The following CLSTN2 variants were observed in gnomAD, a reference collection of about 807,000 sequenced individuals.
CLSTN2 encodes the protein calsyntenin-2.
In CLSTN2, 48 loss-of-function variants were observed where a neutral mutation model predicts 101.2. The observed-to-expected ratio is 0.47, with a 90% CI of 0.38 to 0.60. The LOEUF is 0.60. Among genes scored for constraint, CLSTN2 ranks in the 20% least tolerant of loss-of-function variants. The pLI is 0.00. For missense variants in CLSTN2, 1,160 were observed against 1,238.2 expected (o/e 0.94, Z 0.95); for synonymous variants, 481 against 463.6 (o/e 1.04, Z -0.48).
At chr3:139,947,681 C>G (rs1935234753) in intron 1 of CLSTN2, among the ~76,000 whole-genome samples, 1 of 152,208 alleles carries the variant, frequency 6.6e-6, no homozygotes, top group African/African-American at 2.4e-5. Flanking sequence ...GTTGTTTTTT[C>G]TCCCAAAGGA....
chr3:140,388,530 T>C (rs572898255), intron 2 of CLSTN2, among the ~76,000 whole-genome samples: 20 of 152,346 alleles, frequency 1.3e-4, no homozygotes, highest in African/African-American at 4.8e-4. Flanking sequence ...ATTCCTATAA[T>C]GGTAATTATT....
chr3:140,351,494 T>C (rs1223240204), intron 2 of CLSTN2, among the ~76,000 whole-genome samples: 2 of 152,200 alleles, frequency 1.3e-5, no homozygotes, highest in Non-Finnish European at 2.9e-5. Context: ...TAGTAAATAG[T>C]ATATCAAACA....
At position 140,566,599 on chromosome 3, in the gene CLSTN2, A is replaced by G; in HGVS notation, c.*346A>G. On this transcript the variant is annotated 3_prime_UTR_variant, in exon 17 of 17. Transcript: ENST00000458420. ...CCACCTTTGTGTCACTCACCTCCCC[A>G]GGCTCAGAGTCCCCAAGGCCCTGGG... 3.2e-6 allele frequency: 1 copy of G among 316,462 alleles called. No homozygotes were observed. Among genetic ancestry groups the G allele is most frequent in the Non-Finnish European group, 6.1e-6 (1 of 163,782 alleles). 19.6% of individuals were successfully genotyped at this position (316,462 alleles called of 1,614,324 possible).
At chr3:140,263,033 C>T (rs181561352) in intron 2 of CLSTN2, among the ~76,000 whole-genome samples, 14 of 151,802 alleles carry the variant, frequency 9.2e-5, no homozygotes, top group East Asian at 1.9e-4. Flanking sequence ...GGTACTTGAC[C>T]GTTCCCCACA....
chr3:140,221,108 G>A (rs2086268193), intron 2 of CLSTN2, among the ~76,000 whole-genome samples: 1 of 152,172 alleles, frequency 6.6e-6, no homozygotes, highest in Non-Finnish European at 1.5e-5. Flanking sequence ...TCAGCCAGGA[G>A]CAAAGCTCAG....
chr3:140,087,722 T>TC (rs1481610475), intron 1 of CLSTN2, among the ~76,000 whole-genome samples: 3 of 152,210 alleles, frequency 2.0e-5, no homozygotes. Context: ...TCTATGGGGC[T>TC]CCCAAAATGG....
chr3:140,378,689 C>T (rs970694674), intron 2 of CLSTN2, among the ~76,000 whole-genome samples: 3 of 152,188 alleles, frequency 2.0e-5, no homozygotes, highest in Admixed American at 1.3e-4. Flanking sequence ...GATCCTTGTA[C>T]TCAGAAAGAG....
chr3:139,999,712 A>C (rs774284611), intron 1 of CLSTN2, among the ~76,000 whole-genome samples: 11 of 152,172 alleles, frequency 7.2e-5, no homozygotes, highest in Non-Finnish European at 1.5e-4. Context: ...TTGGTCTGAC[A>C]TATCTGTTAT....
intron 2 of CLSTN2, among the ~76,000 whole-genome samples, chr3:140,274,461 G>T (rs1299344421): frequency 6.6e-6 from 1 of 152,146 alleles, no homozygotes; most frequent in Non-Finnish European, 1.5e-5. Context: ...ATTTTGTAAA[G>T]TTGCCAACCA....
intron 2 of CLSTN2, among the ~76,000 whole-genome samples, chr3:140,208,746 T>C (rs1338707629): frequency 6.6e-6 from 1 of 152,218 alleles, no homozygotes; most frequent in African/African-American, 2.4e-5. Flanking sequence ...TTTTAGTTCA[T>C]TCTCTGGGTT....
intron 1 of CLSTN2, among the ~76,000 whole-genome samples, chr3:140,051,998 T>C (rs2008005802): frequency 1.3e-5 from 2 of 152,186 alleles, no homozygotes; most frequent in Admixed American, 6.5e-5. Flanking sequence ...TTGAGAAGCA[T>C]GGCCTTAGTG....
At chr3:140,118,022 C>G (rs942001620) in intron 1 of CLSTN2, among the ~76,000 whole-genome samples, 2 of 152,158 alleles carry the variant, frequency 1.3e-5, no homozygotes, top group Non-Finnish European at 2.9e-5. Flanking sequence ...TATTTTGAGA[C>G]AGCACCTTTG....
intron 2 of CLSTN2, among the ~76,000 whole-genome samples, chr3:140,355,376 A>G (rs75266625): frequency 0.018 from 2,796 of 152,296 alleles, 80 homozygotes; most frequent in African/African-American, 0.064. Flanking sequence ...GGGAATATTA[A>G]TATCAATTTC....
intron 10 of CLSTN2, among the ~76,000 whole-genome samples, chr3:140,552,918 T>C (rs112263758): frequency 0.014 from 2,159 of 152,300 alleles, 29 homozygotes; most frequent in Middle Eastern, 0.024. Context: ...TAGATGGTAT[T>C]TGTAGAACAA....
chr3:140,278,848 T>G (rs540606730), intron 2 of CLSTN2, among the ~76,000 whole-genome samples: 136 of 152,218 alleles, frequency 8.9e-4, no homozygotes, highest in African/African-American at 3.2e-3. Flanking sequence ...TCCTTCTGAG[T>G]AGCTGAGACT....
chr3:140,236,190 AT>A (rs923706061), intron 2 of CLSTN2, among the ~76,000 whole-genome samples: 30 of 152,282 alleles, frequency 2.0e-4, no homozygotes, highest in Admixed American at 1.6e-3. Flanking sequence ...CTAAATATCA[AT>A]TTTTTGTGCC....
At chr3:140,312,069 G>A (rs1406979091) in intron 2 of CLSTN2, among the ~76,000 whole-genome samples, 1 of 152,160 alleles carries the variant, frequency 6.6e-6, no homozygotes, top group African/African-American at 2.4e-5. Flanking sequence ...TTTCTCCCAT[G>A]CAGTATAGGG....
rs1023402094 is a variant in CLSTN2 at position 139,978,819 on chromosome 3, G to A, written c.109+43336G>A. Among the ~76,000 whole-genome samples, 8 of 152,142 alleles carry A rather than the reference G, an allele frequency of 5.3e-5. No individual in the cohort carries two copies. In the East Asian group the frequency reaches 1.2e-3, roughly 22 times the overall value. ...CAATATAAGCATGTTGTTTAGTGATGTGGAGGCAAATAATGAAAGAGTTGG... is the reference window on the plus strand; with the variant it reads ...CAATATAAGCATGTTGTTTAGTGATATGGAGGCAAATAATGAAAGAGTTGG... On this transcript the variant is annotated intron_variant, in intron 1 of 16. Coordinates refer to ENST00000458420, the MANE Select transcript of CLSTN2 (RefSeq NM_022131.3).
At chr3:140,012,579 C>T (rs2007101723) in intron 1 of CLSTN2, among the ~76,000 whole-genome samples, 1 of 152,110 alleles carries the variant, frequency 6.6e-6, no homozygotes, top group Admixed American at 6.5e-5. Context: ...GGATGACCAG[C>T]AAAATCTTTC....
Sources: gnomAD v4.1 joint callset for allele counts (sites outside exome capture counted in the v4.1 genomes callset) on GRCh38, gnomAD v4.1.1 for gene constraint, MANE v1.5 for transcripts, NCBI Gene and HGNC (gene_info 2026-07-23, HGNC 2026-07-21) for gene names.